Variants in PHC2 observed in about 807,000 individuals in gnomAD.
PHC2 encodes the protein polyhomeotic-like protein 2.
A neutral mutation model predicts 87.4 loss-of-function variants in PHC2; 29 were observed. The ratio of observed to expected loss-of-function variants is 0.33; its 90% confidence interval spans 0.25 to 0.45. PHC2 has a LOEUF of 0.45. PHC2 is among the 20% of genes least tolerant of loss of function. The pLI is 1.00. For missense variants in PHC2, 857 were observed against 1,136.7 expected (o/e 0.75, Z 3.54); for synonymous variants, 438 against 461.7 (o/e 0.95, Z 0.66).
chr1:33,381,369 C>T (rs1159228887), intron 1 of PHC2, among the ~76,000 whole-genome samples: 2 of 152,068 alleles, frequency 1.3e-5, no homozygotes, highest in African/African-American at 4.8e-5. Context: ...TAATCTCTAC[C>T]TCATCCACAA....
chr1:33,350,723 T>C (rs1646955869), intron 9 of PHC2, among the ~76,000 whole-genome samples: 6 of 151,424 alleles, frequency 4.0e-5, no homozygotes, highest in Admixed American at 4.0e-4. Flanking sequence ...CCCCCACCCC[T>C]TTCCACTCTC....
At chr1:33,380,557 A>T (rs1648444128) in intron 1 of PHC2, among the ~76,000 whole-genome samples, 1 of 152,194 alleles carries the variant, frequency 6.6e-6, no homozygotes, top group Non-Finnish European at 1.5e-5. Flanking sequence ...CTACATACAC[A>T]CCACATTGTG....
At position 33,375,500 on chromosome 1, in the gene PHC2, C is replaced by T. The variant is rs1392629960; in HGVS notation, c.40G>A (p.Ala14Thr). ...CCGCTGGTACTGCTGGTGGCACAGGCACTGCTAGATGTATGTGGGACTGGC... is the reference window on the plus strand; with the variant it reads ...CCGCTGGTACTGCTGGTGGCACAGGTACTGCTAGATGTATGTGGGACTGGC... ...ELPVPHTSSS[A>T]CATSSTSGAS... The change falls in exon 2 of 15, where the codon GCC becomes ACC. Residue 14 changes from alanine (A) to threonine (T), a missense_variant. By Grantham distance (58) the Ala-to-Thr change is moderately conservative (BLOSUM62 0). Around this residue, in one of 3 missense-constraint regions of PHC2, gnomAD observed 832 missense variants for 1,081.8 expected, o/e 0.77. Coordinates refer to ENST00000683057, the MANE Select transcript of PHC2 (RefSeq NM_001385109.1). 24 of 1,609,892 alleles carry T rather than the reference C, an allele frequency of 1.5e-5. No individual in the cohort carries two copies. The East Asian group carries it at 5.2e-4, about 35-fold the overall frequency.
Position 33,323,759 on chromosome 1 carries a change from C to T in PHC2, c.*1106G>A, listed in dbSNP as rs550786353. On this transcript the variant is annotated 3_prime_UTR_variant, in exon 15 of 15. Transcript: ENST00000683057. ...GCCTACCTCCTTCCTGCAAAGGACA[C>T]GGCAGGTCAGAGGCAGGCCCTCGCC... 15 of 152,796 alleles carry T rather than the reference C, an allele frequency of 9.8e-5. No homozygotes were observed. In the East Asian group the frequency reaches 1.5e-3, roughly 16 times the overall value. The allele number at this position is 152,796 out of a possible 1,614,324, so 9.5% of individuals were successfully genotyped here.
At chr1:33,379,271 A>C in intron 1 of PHC2, among the ~76,000 whole-genome samples, 1 of 137,950 alleles carries the variant, frequency 7.2e-6, no homozygotes. Context: ...CTCCAGTTCT[A>C]GGCTTTGTCT....
At chr1:33,346,317 C>T in intron 9 of PHC2, 1 of 985,418 alleles carries the variant, frequency 1.0e-6, no homozygotes, top group Middle Eastern at 5.2e-4. Context: ...TCTCTACAAC[C>T]ACTTTTGTGA....
intron 7 of PHC2, among the ~76,000 whole-genome samples, chr1:33,366,220 C>T (rs918321900): frequency 1.3e-5 from 2 of 152,198 alleles, no homozygotes; most frequent in Non-Finnish European, 2.9e-5. Context: ...CTCAGGGATG[C>T]GATCAGCGTG....
chr1:33,430,557 G>T (rs987211684), intron 1 of PHC2, among the ~76,000 whole-genome samples: 1 of 152,190 alleles, frequency 6.6e-6, no homozygotes, highest in Non-Finnish European at 1.5e-5. Flanking sequence ...GGGCTGCCGC[G>T]GCGCGGGCCT....
chr1:33,361,950 G>T (rs1429565646), intron 7 of PHC2, among the ~76,000 whole-genome samples: 2 of 152,210 alleles, frequency 1.3e-5, no homozygotes, highest in Non-Finnish European at 2.9e-5. Context: ...GGAAATGGAG[G>T]TTTACAGAGC....
chr1:33,368,503 C>T lies in PHC2; in HGVS notation c.663+33G>A, dbSNP rs899979190. On this transcript the variant is annotated intron_variant, in intron 6 of 14. Coordinates refer to ENST00000683057, the MANE Select transcript of PHC2 (RefSeq NM_001385109.1). The surrounding 1 kb of genome is among the most constrained non-coding windows in gnomAD (Gnocchi z 6.6). ...AGTGCCCCTCTACAGGGGTGCCCAC[C>T]CCCCTGCCCTCCCACAAGCATGGAG... 4.1e-6 allele frequency: 5 copies of T among 1,218,492 alleles called. No individual in the cohort carries two copies. The African/African-American group carries it at 7.5e-5, about 18-fold the overall frequency. 75.5% of individuals were successfully genotyped at this position (1,218,492 alleles called of 1,614,324 possible). A position where few individuals can be genotyped will look rare whatever the true frequency, so the allele number is the denominator to read the frequency against.
rs115335668 is a variant in PHC2 at position 33,401,711 on chromosome 1, C to T, written c.-54-26118G>A. Reference sequence around the variant, plus strand: ...CAGAAGTTCCCAAAATAGACCCACACATTTATGAACACTTGCTATATGACA... The same window carrying T: ...CAGAAGTTCCCAAAATAGACCCACATATTTATGAACACTTGCTATATGACA... On this transcript the variant is annotated intron_variant, in intron 1 of 14. Coordinates refer to ENST00000683057, the MANE Select transcript of PHC2 (RefSeq NM_001385109.1). Among the ~76,000 whole-genome samples, 479 of 152,278 alleles carry T rather than the reference C, an allele frequency of 3.1e-3. 1 individual carries two copies. Among genetic ancestry groups the T allele is most frequent in the African/African-American group, 0.011 (452 of 41,548 alleles).
Position 33,364,198 on chromosome 1 carries a change from G to GC in PHC2, c.976+2917dup, listed in dbSNP as rs1440977475. Among the ~76,000 whole-genome samples the GC allele has an allele frequency of 1.3e-5, 2 of 151,986 alleles. No homozygotes were observed. The highest frequency in any genetic ancestry group is 2.9e-5 in the Non-Finnish European group (2 of 67,994). On this transcript the variant is annotated intron_variant, in intron 7 of 14. Coordinates refer to ENST00000683057, the MANE Select transcript of PHC2 (RefSeq NM_001385109.1). This position sits in a 1 kb window ranked among gnomAD's most constrained non-coding sequence, Gnocchi z 4.1. ...GGTCTGCCTGCTCTGGGAGGAAACA[G>GC]CCCCCAGGAGAACACATTCCTCACT...
chr1:33,383,728 C>A (rs1040131342), intron 1 of PHC2, among the ~76,000 whole-genome samples: 6 of 152,188 alleles, frequency 3.9e-5, no homozygotes, highest in African/African-American at 1.4e-4. Flanking sequence ...TCTGTGTCTT[C>A]TATGGGCCCC....
chr1:33,405,219 C>T (rs1361316606), intron 1 of PHC2, among the ~76,000 whole-genome samples: 1 of 148,784 alleles, frequency 6.7e-6, no homozygotes, highest in African/African-American at 2.5e-5. Flanking sequence ...GACAGAGTCT[C>T]GCTCTGTGTC....
At chr1:33,358,892 C>G (rs1287584866) in intron 7 of PHC2, 1 of 152,180 alleles carries the variant, frequency 6.6e-6, no homozygotes, top group Non-Finnish European at 1.5e-5. Context: ...TCTGAGATGA[C>G]AATCAGGCCG....
At chr1:33,350,317 G>C (rs1646945662) in intron 9 of PHC2, 2 of 152,268 alleles carry the variant, frequency 1.3e-5, no homozygotes, top group South Asian at 2.1e-4. Context: ...ACTGGGAACC[G>C]AGGATCAGAG....
chr1:33,392,591 C>A (rs975582891), intron 1 of PHC2: 4 of 152,076 alleles, frequency 2.6e-5, no homozygotes, highest in Non-Finnish European at 4.4e-5. Context: ...GTCTGCAGGG[C>A]CCTCCTAGCT....
rs1647049079 is a variant in PHC2 at position 33,355,225 on chromosome 1, G to A, written c.1005C>T (p.Leu335=). 3.1e-6 allele frequency: 5 copies of A among 1,589,714 alleles called. No individual in the cohort carries two copies. The highest frequency in any genetic ancestry group is 1.3e-5 in the African/African-American group (1 of 74,640). The change falls in exon 8 of 15, where the codon CTC becomes CTT. Residue 335 remains leucine, a synonymous_variant. Transcript: ENST00000683057. ...PAYAQLQPHQ[L]LPQPSSKHLQ... ...GGTGCTTTGAGGATGGCTGTGGGAG[G>A]AGCTGGTGTGGCTGCAGCTGAGCAT...
intron 1 of PHC2, among the ~76,000 whole-genome samples, chr1:33,380,253 TCAC>T (rs1227739593): frequency 4.6e-5 from 7 of 152,210 alleles, no homozygotes; most frequent in African/African-American, 7.2e-5. Flanking sequence ...TGTGCAATCA[TCAC>T]CACCATCTAT....
Sources: gnomAD v4.1 joint callset for allele counts (sites outside exome capture counted in the v4.1 genomes callset) on GRCh38, gnomAD v4.1.1 for gene constraint, gnomAD v4.1.1 regional missense constraint, Gnocchi (gnomAD v3.1) non-coding constraint, MANE v1.5 for transcripts, NCBI Gene and HGNC (gene_info 2026-07-23, HGNC 2026-07-21) for gene names.